ANK2: variants seen among roughly 807,000 people sequenced by gnomAD.
ANK2 encodes ankyrin 2.
In ANK2, 83 loss-of-function variants were observed where a neutral mutation model predicts 360.5. That is an observed-to-expected ratio of 0.23 (90% CI 0.19 to 0.28). The LOEUF (loss-of-function observed/expected upper bound fraction) is 0.28. Among genes scored for constraint, ANK2 ranks in the 10% least tolerant of loss-of-function variants. The pLI, the probability that ANK2 is intolerant of heterozygous loss-of-function variation, is 1.00. For synonymous variants in ANK2, 1,740 were observed against 1,759.5 expected (o/e 0.99, Z 0.28); for missense variants, 4,201 against 4,795.7 (o/e 0.88, Z 3.66).
intron 29 of ANK2, among the ~76,000 whole-genome samples, chr4:113,334,452 C>G (rs930985173): frequency 2.0e-5 from 3 of 151,840 alleles, no homozygotes; most frequent in Non-Finnish European, 4.4e-5. Flanking sequence ...GGTATCTTGC[C>G]CTTGGATGGG....
In ANK2 at chr4:112,871,990, G is replaced by C. The variant is rs537455812; in HGVS notation, c.-39-32465G>C. On this transcript the variant is annotated intron_variant, in intron 1 of 30. Transcript: ENST00000503271. ...TCCTTTATATGTACTACTGGATTTG[G>C]TTTGCTAGTATTTTATTGAGGGTTT... Among the ~76,000 whole-genome samples the C allele has an allele frequency of 2.7e-5, 4 of 149,732 alleles. 1 individual carries two copies. In the South Asian group the frequency reaches 8.4e-4, roughly 32 times the overall value.
Position 113,367,666 on chromosome 4 carries a change from C to T in ANK2, c.11133C>T (p.Ile3711=), listed in dbSNP as rs142441044. ...KESETCDHPP[I]VSEEDISVGY... is the part of the protein sequence containing the mutation. ...GTGAGACCTGCGATCACCCTCCTAT[C>T]GTCTCAGAGGAAGACATTTCTGTTG... The change falls in exon 42 of 46, where the codon ATC becomes ATT. Residue 3711 remains isoleucine, a synonymous_variant. Transcript: ENST00000357077. 5.9e-5 allele frequency: 95 copies of T among 1,613,918 alleles called. No homozygotes were observed. Among genetic ancestry groups the T allele is most frequent in the Non-Finnish European group, 7.1e-5 (84 of 1,179,968 alleles).
chr4:112,819,780 A>G lies in ANK2; in HGVS notation c.-40+1516A>G, dbSNP rs191437361. Among the ~76,000 whole-genome samples, 8 of 152,242 alleles carry G rather than the reference A, an allele frequency of 5.3e-5. No homozygotes were observed. In the East Asian group the frequency reaches 1.5e-3, roughly 29 times the overall value. ...CCACCCTACTTTCTCCTCCTTCCAT[A>G]TTGTTGAGTGAAGCTATATTCATCT... On this transcript the variant is annotated intron_variant, in intron 1 of 30. Coordinates refer to the ANK2 transcript ENST00000503271.
chr4:113,259,850 G>A (rs189546586), intron 13 of ANK2, among the ~76,000 whole-genome samples: 3 of 123,774 alleles, frequency 2.4e-5, no homozygotes, highest in Non-Finnish European at 4.9e-5. Context: ...ACAGATTTAC[G>A]TACAGGCCAG....
chr4:113,294,774 A>G (rs2070095801), intron 22 of ANK2, among the ~76,000 whole-genome samples: 1 of 152,224 alleles, frequency 6.6e-6, no homozygotes, highest in Non-Finnish European at 1.5e-5. Context: ...GATTTAAGGT[A>G]TAGCTTTGAT....
At chr4:113,326,412 G>A (rs2089953914) in intron 26 of ANK2, among the ~76,000 whole-genome samples, 2 of 152,024 alleles carry the variant, frequency 1.3e-5, no homozygotes, top group Admixed American at 1.3e-4. Flanking sequence ...ATGCAATTCT[G>A]TAAATTCAGC....
At chr4:112,921,201 T>C (rs957238070) in intron 2 of ANK2, among the ~76,000 whole-genome samples, 2 of 151,908 alleles carry the variant, frequency 1.3e-5, no homozygotes, top group African/African-American at 4.8e-5. Flanking sequence ...TTTTTGTATT[T>C]TTTTGTAGAG....
At chr4:113,150,739 T>C (rs1204615920) in intron 1 of ANK2, among the ~76,000 whole-genome samples, 2 of 152,176 alleles carry the variant, frequency 1.3e-5, no homozygotes, top group African/African-American at 4.8e-5. Flanking sequence ...CACTCAGTAT[T>C]GGACTCATTA....
At chr4:112,773,350 C>T in the ANK2 span, among the ~76,000 whole-genome samples, 1 of 152,102 alleles carries the variant, frequency 6.6e-6, no homozygotes, top group Non-Finnish European at 1.5e-5. Context: ...AAAATATAAA[C>T]AAGAACACAA....
chr4:112,991,700 C>T (rs1397598834), intron 2 of ANK2, among the ~76,000 whole-genome samples: 3 of 146,760 alleles, frequency 2.0e-5, no homozygotes, highest in African/African-American at 5.1e-5. Flanking sequence ...TTAATAATTC[C>T]GTCCTCAACT....
chr4:113,096,391 C>G (rs546060969), intron 1 of ANK2, among the ~76,000 whole-genome samples: 6 of 152,280 alleles, frequency 3.9e-5, no homozygotes, highest in African/African-American at 1.4e-4. Context: ...TAACCTGGGG[C>G]TGGTAAGGCG....
chr4:112,998,671 A>C (rs2049510177), intron 2 of ANK2, among the ~76,000 whole-genome samples: 5 of 152,206 alleles, frequency 3.3e-5, no homozygotes, highest in Admixed American at 3.3e-4. Flanking sequence ...GGTTAAATAA[A>C]TTTGGGAAAG....
At chr4:113,048,234 G>C (rs1171759808), upstream of ANK2, among the ~76,000 whole-genome samples, 38 of 107,172 alleles carry the variant, frequency 3.5e-4, no homozygotes, top group African/African-American at 1.3e-3. Flanking sequence ...GGTTCTGGTT[G>C]CATCTACAAG....
intron 2 of ANK2, among the ~76,000 whole-genome samples, chr4:113,004,405 TAAAC>T (rs1247215183): frequency 1.3e-5 from 2 of 152,136 alleles, no homozygotes; most frequent in Non-Finnish European, 2.9e-5. Context: ...TTTTTTTTCT[TAAAC>T]AAAGACACAA....
chr4:113,168,832 T>C (rs531086799), intron 1 of ANK2, among the ~76,000 whole-genome samples: 1 of 152,174 alleles, frequency 6.6e-6, no homozygotes, highest in African/African-American at 2.4e-5. Context: ...AATTAAACAA[T>C]AGAGCAGTCC....
chr4:113,264,473 C>G (rs1360065893), intron 13 of ANK2, among the ~76,000 whole-genome samples: 4 of 152,046 alleles, frequency 2.6e-5, no homozygotes, highest in Non-Finnish European at 5.9e-5. Context: ...TCAAGAGTAT[C>G]CTGGATGTTC....
intron 1 of ANK2, among the ~76,000 whole-genome samples, chr4:113,061,033 G>A (rs1561788732): frequency 6.6e-6 from 1 of 152,082 alleles, no homozygotes; most frequent in Non-Finnish European, 1.5e-5. Context: ...CTTTCCAGTT[G>A]TTAAAGAACC....
chr4:113,164,263 A>G (rs191769035), intron 1 of ANK2, among the ~76,000 whole-genome samples: 3 of 152,286 alleles, frequency 2.0e-5, no homozygotes, highest in Non-Finnish European at 4.4e-5. Flanking sequence ...ACATATGTAT[A>G]TATATTAGAC....
chr4:113,176,635 T>C lies in ANK2; in HGVS notation c.186+2118T>C, dbSNP rs998082049. 4.6e-5 allele frequency among the ~76,000 whole-genome samples: 7 copies of C among 152,160 alleles called. 2 individuals carry two copies. The highest frequency in any genetic ancestry group is 4.6e-4 in the Admixed American group (7 of 15,294). ...TATTTATTTTTATTTTATTTTATTT[T>C]ATTTTTTATTATACTTTAAGTTCTA... On this transcript the variant is annotated intron_variant, in intron 2 of 45. Coordinates refer to ENST00000357077, the MANE Select transcript of ANK2 (RefSeq NM_001148.6).
Sources: allele counts gnomAD v4.1 joint callset (sites outside exome capture counted in the v4.1 genomes callset), GRCh38; gene constraint gnomAD v4.1.1; transcripts MANE v1.5; gene names NCBI Gene and HGNC (gene_info 2026-07-23, HGNC 2026-07-21).